The following PIAS1 variants were observed in gnomAD, a reference collection of about 807,000 sequenced individuals.
PIAS1 encodes protein inhibitor of activated STAT 1.
In PIAS1, 6 loss-of-function variants were observed where a neutral mutation model predicts 71.3. That is an observed-to-expected ratio of 0.08 (90% CI 0.05 to 0.17). The LOEUF is 0.17. Among genes scored for constraint, PIAS1 ranks in the 10% least tolerant of loss-of-function variants. The probability of loss-of-function intolerance (pLI) is 1.00; values close to 1 mark genes in which losing one functional copy is unlikely to be tolerated. For synonymous variants in PIAS1, 303 were observed against 292.9 expected (o/e 1.03, Z -0.35); for missense variants, 555 against 793.6 (o/e 0.70, Z 3.61).
rs749107073 is a variant in PIAS1 at position 68,171,478 on chromosome 15, T to C, written c.1009-2254T>C. Among the ~76,000 whole-genome samples, 2 of 152,246 alleles carry C rather than the reference T, an allele frequency of 1.3e-5. No individual in the cohort carries two copies. The highest frequency in any genetic ancestry group is 2.9e-5 in the Non-Finnish European group (2 of 68,048). On this transcript the variant is annotated intron_variant, in intron 8 of 13. Coordinates refer to ENST00000249636, the MANE Select transcript of PIAS1 (RefSeq NM_016166.3). This position sits in a 1 kb window ranked among gnomAD's most constrained non-coding sequence, Gnocchi z 4.4. ...CGGTTCAGTGTTGACCAAAATGTTATGTGGTGCTTGATTGTAATCATATGC... is the reference window on the plus strand; with the variant it reads ...CGGTTCAGTGTTGACCAAAATGTTACGTGGTGCTTGATTGTAATCATATGC...
chr15:68,082,707 A>G (rs1025222351), intron 1 of PIAS1, among the ~76,000 whole-genome samples: 1 of 152,242 alleles, frequency 6.6e-6, no homozygotes, highest in African/African-American at 2.4e-5. Flanking sequence ...AAACCATTAT[A>G]TTTTATAATA....
At position 68,191,059 on chromosome 15, in the gene PIAS1, T is replaced by C. The variant is rs1199733627; in HGVS notation, c.*3224T>C. On this transcript the variant is annotated 3_prime_UTR_variant, in exon 14 of 14. Coordinates refer to ENST00000249636, the MANE Select transcript of PIAS1 (RefSeq NM_016166.3). ...ACTTTTTAAAGCACATTTGAAATTA[T>C]TTTAGTAAGAATTTTGTTTTATCAA... 2 of 152,498 alleles carry C rather than the reference T, an allele frequency of 1.3e-5. No individual in the cohort carries two copies. The highest frequency in any genetic ancestry group is 4.8e-5 in the African/African-American group (2 of 41,372). 9.4% of individuals were successfully genotyped at this position (152,498 alleles called of 1,614,324 possible). A position where few individuals can be genotyped will look rare whatever the true frequency, so the allele number is the denominator to read the frequency against.
chr15:68,124,406 GTTTTTT>G (rs553374128), intron 2 of PIAS1, among the ~76,000 whole-genome samples: 1 of 143,198 alleles, frequency 7.0e-6, no homozygotes, highest in African/African-American at 2.6e-5. Flanking sequence ...GTTGTTTTTT[GTTTTTT>G]TTTTTTCATT....
At chr15:68,180,816 TTAA>T (rs1179300944) in intron 11 of PIAS1, among the ~76,000 whole-genome samples, 1 of 152,230 alleles carries the variant, frequency 6.6e-6, no homozygotes, top group Non-Finnish European at 1.5e-5. Context: ...CGTATGCTTC[TTAA>T]TAGCCAATAC....
Position 68,176,613 on chromosome 15 carries a change from C to T in PIAS1, c.1440C>T (p.Thr480=). ...EEEEEPSAKR[T]CPSLSPTSPL... ...AAGAAGAGCCATCTGCCAAGAGGAC[C>T]TGTCCTTCCCTATCTCCCACATCAC... is the stretch of plus-strand genomic sequence containing the variant. The change falls in exon 11 of 14, where the codon ACC becomes ACT. Residue 480 remains threonine, a synonymous_variant. Transcript: ENST00000249636. 2 of 1,609,590 alleles carry T rather than the reference C, an allele frequency of 1.2e-6. No homozygotes were observed. The highest frequency in any genetic ancestry group is 1.7e-6 in the Non-Finnish European group (2 of 1,178,034).
At chr15:68,165,226 A>G (rs1048218097) in intron 8 of PIAS1, among the ~76,000 whole-genome samples, 2 of 152,058 alleles carry the variant, frequency 1.3e-5, no homozygotes, top group African/African-American at 4.8e-5. Context: ...GGTTCAGGCG[A>G]TTCTCCTGCC....
chr15:68,132,035 TA>T (rs35523127), intron 2 of PIAS1, among the ~76,000 whole-genome samples: 1,385 of 118,572 alleles, frequency 0.012, 9 homozygotes, highest in East Asian at 0.039. Context: ...AAACCTCCTC[TA>T]AAAAAAAAAA....
At chr15:68,119,795 G>A (rs560620214) in intron 2 of PIAS1, among the ~76,000 whole-genome samples, 6 of 152,202 alleles carry the variant, frequency 3.9e-5, no homozygotes, top group African/African-American at 1.4e-4. Context: ...TTGTGGATTT[G>A]TTTATTTCTC....
chr15:68,066,873 T>C (rs111840849), intron 1 of PIAS1, among the ~76,000 whole-genome samples: 62 of 152,320 alleles, frequency 4.1e-4, no homozygotes, highest in African/African-American at 1.4e-3. Flanking sequence ...TTGCCATTAG[T>C]CTTCACCTCT....
chr15:68,180,081 T>G (rs1022986714), intron 11 of PIAS1, among the ~76,000 whole-genome samples: 4 of 152,242 alleles, frequency 2.6e-5, no homozygotes, highest in Admixed American at 6.5e-5. Context: ...ATTGTTTTTC[T>G]TTTCAAAATT....
At chr15:68,090,045 A>G (rs143717852) in intron 2 of PIAS1, among the ~76,000 whole-genome samples, 5,336 of 150,782 alleles carry the variant, frequency 0.035, 107 homozygotes, top group Non-Finnish European at 0.056. Context: ...ATGACTGGCT[A>G]ATTTTAGTAT....
rs2140946248 is a variant in PIAS1 at position 68,054,839 on chromosome 15, G to C, written c.24+489G>C. 6.6e-6 allele frequency: 1 copy of C among 152,626 alleles called. No homozygotes were observed. The highest frequency in any genetic ancestry group is 2.4e-5 in the African/African-American group (1 of 41,564). The allele number at this position is 152,626 out of a possible 1,614,324, so 9.5% of individuals were successfully genotyped here. ...CCGGGAACTTGGCTTCGGCCGCCCCGCCCCTCCGTGGATCCCAGTAGCCCC... is the reference window on the plus strand; with the variant it reads ...CCGGGAACTTGGCTTCGGCCGCCCCCCCCCTCCGTGGATCCCAGTAGCCCC... On this transcript the variant is annotated intron_variant, in intron 1 of 13. Transcript: ENST00000249636. The surrounding 1 kb of genome is among the most constrained non-coding windows in gnomAD (Gnocchi z 4.6).
At chr15:68,101,520 G>A (rs1445899242) in intron 2 of PIAS1, among the ~76,000 whole-genome samples, 1 of 151,966 alleles carries the variant, frequency 6.6e-6, no homozygotes, top group East Asian at 1.9e-4. Context: ...TGCAGTGGCT[G>A]TTCACAAGAG....
At chr15:68,060,209 A>G (rs963363193) in intron 1 of PIAS1, among the ~76,000 whole-genome samples, 2 of 152,060 alleles carry the variant, frequency 1.3e-5, no homozygotes, top group African/African-American at 4.8e-5. Flanking sequence ...TATCACAGTG[A>G]CCACATATTG....
chr15:68,154,746 C>G (rs747995321), intron 7 of PIAS1, among the ~76,000 whole-genome samples: 1 of 152,190 alleles, frequency 6.6e-6, no homozygotes, highest in Non-Finnish European at 1.5e-5. Flanking sequence ...TTGGCTAATG[C>G]CTCTGTAGGC....
In PIAS1 at chr15:68,077,652, C is replaced by CT. The variant is rs539152820; in HGVS notation, c.25-8651dup. Among the ~76,000 whole-genome samples the CT allele has an allele frequency of 2.9e-3, 434 of 152,262 alleles. 3 individuals carry two copies. The highest frequency in any genetic ancestry group is 6.8e-3 in the Middle Eastern group (2 of 294). On this transcript the variant is annotated intron_variant, in intron 1 of 13. Coordinates refer to ENST00000249636, the MANE Select transcript of PIAS1 (RefSeq NM_016166.3). ...TAGATGGAGTTTTAGACAAGAAGAT[C>CT]TTTAAGTTCTGTTTTTGATACTCTG...
rs560805468 is a variant in PIAS1 at position 68,167,847 on chromosome 15, A to T, written c.1008+3043A>T. Reference sequence around the variant, plus strand: ...CAGCCTCCCAAGTAGCTAGAACTACAGGTGCACGCCACCACGCCTGGCTAA... The same window carrying T: ...CAGCCTCCCAAGTAGCTAGAACTACTGGTGCACGCCACCACGCCTGGCTAA... On this transcript the variant is annotated intron_variant, in intron 8 of 13. Coordinates refer to ENST00000249636, the MANE Select transcript of PIAS1 (RefSeq NM_016166.3). This position sits in a 1 kb window ranked among gnomAD's most constrained non-coding sequence, Gnocchi z 4.4. Among the ~76,000 whole-genome samples the T allele has an allele frequency of 6.6e-6, 1 of 152,188 alleles. No individual in the cohort carries two copies. Among genetic ancestry groups the T allele is most frequent in the Admixed American group, 6.5e-5 (1 of 15,268 alleles).
chr15:68,059,000 C>CTTTTTTTT, intron 1 of PIAS1, among the ~76,000 whole-genome samples: 1 of 84,910 alleles, frequency 1.2e-5, no homozygotes. Context: ...GATTATTCTA[C>CTTTTTTTT]TTTTTTTTTT....
rs565445089 is a variant in PIAS1 at position 68,164,927 on chromosome 15, T to C, written c.1008+123T>C. The C allele has an allele frequency of 1.7e-5, 10 of 585,102 alleles. No homozygotes were observed. The South Asian group carries it at 2.5e-4, about 15-fold the overall frequency. 36.2% of individuals were successfully genotyped at this position (585,102 alleles called of 1,614,324 possible). On this transcript the variant is annotated intron_variant, in intron 8 of 13. Coordinates refer to ENST00000249636, the MANE Select transcript of PIAS1 (RefSeq NM_016166.3). ...AAATATGTCCACCATTGTTACAGTTTATGAAAAGTGGAAAGACATCTAGGC... is the reference window on the plus strand; with the variant it reads ...AAATATGTCCACCATTGTTACAGTTCATGAAAAGTGGAAAGACATCTAGGC...
Sources: allele counts gnomAD v4.1 joint callset (sites outside exome capture counted in the v4.1 genomes callset), GRCh38; gene constraint gnomAD v4.1.1; non-coding constraint Gnocchi (gnomAD v3.1); transcripts MANE v1.5; gene names NCBI Gene and HGNC (gene_info 2026-07-23, HGNC 2026-07-21).